The following CHSY1 variants were observed in gnomAD, a reference collection of about 807,000 sequenced individuals.
CHSY1 encodes chondroitin sulfate synthase 1, also known as N-acetylgalactosaminyl-proteoglycan 3-beta-glucuronosyltransferase 1.
CHSY1 carries 13 observed loss-of-function variants against 59.8 expected under a neutral mutation model. The observed-to-expected ratio is 0.22, with a 90% confidence interval of 0.14 to 0.35. The LOEUF (loss-of-function observed/expected upper bound fraction) is 0.35. CHSY1 is among the 10% of genes least tolerant of loss of function. CHSY1 has a pLI of 1.00. For synonymous variants in CHSY1, 459 were observed against 401.2 expected (o/e 1.14, Z -1.72); for missense variants, 947 against 1,030.6 (o/e 0.92, Z 1.11).
chr15:101,184,643 C>T (rs1285243437), intron 2 of CHSY1, among the ~76,000 whole-genome samples: 1 of 152,016 alleles, frequency 6.6e-6, no homozygotes, highest in African/African-American at 2.4e-5. Flanking sequence ...AGCCACCCAG[C>T]CCGGCCATTT....
intron 2 of CHSY1, 130 bp from the exon 3 acceptor site, chr15:101,179,110 C>A: frequency 2.3e-6 from 2 of 855,126 alleles, no homozygotes; most frequent in South Asian, 1.4e-5. Context: ...CTAGATAAGG[C>A]CCGATCAACA....
At chr15:101,229,366 G>A (rs2038871045) in intron 2 of CHSY1, among the ~76,000 whole-genome samples, 1 of 152,102 alleles carries the variant, frequency 6.6e-6, no homozygotes, top group Non-Finnish European at 1.5e-5. Flanking sequence ...GTAAAAGGAT[G>A]AAAAAAGATA....
intron 2 of CHSY1, among the ~76,000 whole-genome samples, chr15:101,204,224 A>T (rs1204384643): frequency 6.6e-6 from 1 of 152,152 alleles, no homozygotes; most frequent in Non-Finnish European, 1.5e-5. Context: ...AGCTGAGGTC[A>T]GGAGTTCGAG....
At chr15:101,206,747 C>T (rs1300479738) in intron 2 of CHSY1, among the ~76,000 whole-genome samples, 1 of 152,200 alleles carries the variant, frequency 6.6e-6, no homozygotes, top group Non-Finnish European at 1.5e-5. Flanking sequence ...TACACAGAAG[C>T]AGCCATAATG....
intron 2 of CHSY1, among the ~76,000 whole-genome samples, chr15:101,226,238 GC>G (rs2038840429): frequency 6.6e-6 from 1 of 152,180 alleles, no homozygotes; most frequent in East Asian, 1.9e-4. Flanking sequence ...GAAGGGCTTT[GC>G]TTTTCAGATA....
chr15:101,235,624 G>A (rs763490177), intron 1 of CHSY1, 47 bp from the exon 2 acceptor site: 1 of 1,585,680 alleles, frequency 6.3e-7, no homozygotes, highest in Non-Finnish European at 8.6e-7. Context: ...ATTCCAAGCT[G>A]ATTTTCAGGA....
intron 1 of CHSY1, among the ~76,000 whole-genome samples, chr15:101,239,399 G>A (rs1842354255): frequency 6.6e-6 from 1 of 152,232 alleles, no homozygotes; most frequent in African/African-American, 2.4e-5. Flanking sequence ...CAACTAAGGA[G>A]GCGAATCTAC....
intron 1 of CHSY1, among the ~76,000 whole-genome samples, chr15:101,245,271 GCTCCTTCACTAA>G (rs1390807169): frequency 2.0e-5 from 3 of 152,090 alleles, no homozygotes; most frequent in Non-Finnish European, 2.9e-5. Flanking sequence ...CTTTCCCATC[GCTCCTTCACTAA>G]CTCCTGCCAT....
chr15:101,244,120 G>C (rs1260501633), intron 1 of CHSY1, among the ~76,000 whole-genome samples: 1 of 152,190 alleles, frequency 6.6e-6, no homozygotes, highest in Non-Finnish European at 1.5e-5. Flanking sequence ...ACTGAATTCA[G>C]GTGAGAAGAT....
chr15:101,196,984 T>C lies in CHSY1; in HGVS notation c.817-18004A>G, dbSNP rs80147225. Among the ~76,000 whole-genome samples, 1,383 of 152,372 alleles carry C rather than the reference T, an allele frequency of 9.1e-3. 24 individuals are homozygous for C. Among genetic ancestry groups the C allele is most frequent in the African/African-American group, 0.032 (1,323 of 41,586 alleles). On this transcript the variant is annotated intron_variant, in intron 2 of 2. Coordinates refer to ENST00000254190, the MANE Select transcript of CHSY1 (RefSeq NM_014918.5). ...AAAAGGGGCAAAGCATGTTTAGTCT[T>C]AATTCTTTTATTCTTTGTTTACCTA...
At chr15:101,238,180 C>T (rs577736865) in intron 1 of CHSY1, among the ~76,000 whole-genome samples, 1 of 152,246 alleles carries the variant, frequency 6.6e-6, no homozygotes, top group African/African-American at 2.4e-5. Flanking sequence ...TAACATAAAA[C>T]TTACCATCTT....
chr15:101,239,694 G>C lies in CHSY1; in HGVS notation c.321-4117C>G, dbSNP rs867356611. On this transcript the variant is annotated intron_variant, in intron 1 of 2. Coordinates refer to ENST00000254190, the MANE Select transcript of CHSY1 (RefSeq NM_014918.5). ...AGTCTCAGGAGCACACGGAGCAAAGGTAATGTGGAAAATGCTTCTTAAAAC... is the reference window on the plus strand; with the variant it reads ...AGTCTCAGGAGCACACGGAGCAAAGCTAATGTGGAAAATGCTTCTTAAAAC... Among the ~76,000 whole-genome samples, 4 of 145,126 alleles carry C rather than the reference G, an allele frequency of 2.8e-5. No individual in the cohort carries two copies. In the South Asian group the frequency reaches 8.5e-4, roughly 31 times the overall value.
At chr15:101,194,954 A>G (rs1325030389) in intron 2 of CHSY1, among the ~76,000 whole-genome samples, 3 of 152,206 alleles carry the variant, frequency 2.0e-5, no homozygotes, top group South Asian at 2.1e-4. Flanking sequence ...CATATGTCTT[A>G]TAACAGACTG....
rs1284078736 is a variant in CHSY1, at chr15:101,178,067, T to G, written c.1730A>C (p.Asn577Thr). 3 of 1,614,092 alleles carry G rather than the reference T, an allele frequency of 1.9e-6. No individual in the cohort carries two copies. The highest frequency in any genetic ancestry group is 4.5e-5 in the East Asian group (2 of 44,884). Reference protein sequence around the residue: ...LVVLLFNSDSNPDKAKQVELM... With the variant: ...LVVLLFNSDSTPDKAKQVELM... ...TTCAACTTGTTTGGCCTTGTCAGGG[T>G]TGGAGTCAGAATTGAAAAGCAGAAC... The change falls in exon 3 of 3, where the codon AAC becomes ACC. Residue 577 changes from asparagine to threonine, a missense_variant. Asn to Thr is a moderately conservative substitution (Grantham distance 65). Transcript: ENST00000254190.
intron 2 of CHSY1, among the ~76,000 whole-genome samples, chr15:101,198,855 T>TC (rs2038537922): frequency 6.6e-6 from 1 of 152,130 alleles, no homozygotes; most frequent in South Asian, 2.1e-4. Flanking sequence ...GGGAGCGAGA[T>TC]CCCACGGCCT....
At chr15:101,181,578 G>C (rs1298790992) in intron 2 of CHSY1, among the ~76,000 whole-genome samples, 2 of 152,076 alleles carry the variant, frequency 1.3e-5, no homozygotes, top group Non-Finnish European at 2.9e-5. Context: ...ATGTATCTCC[G>C]ACCCTTCTCT....
intron 2 of CHSY1, among the ~76,000 whole-genome samples, chr15:101,225,786 C>T (rs993140715): frequency 5.3e-5 from 8 of 152,224 alleles, no homozygotes; most frequent in African/African-American, 1.9e-4. Context: ...TTCCTTATAG[C>T]CGTGTGAGAA....
chr15:101,222,631 GCTTTTCCTGACCTGACA>G (rs1168644999), intron 2 of CHSY1, among the ~76,000 whole-genome samples: 7 of 152,096 alleles, frequency 4.6e-5, no homozygotes, highest in African/African-American at 1.7e-4. Flanking sequence ...GTCTTTCCTT[GCTTTTCCTGACCTGACA>G]CTTTTGAAGA....
intron 2 of CHSY1, chr15:101,189,450 A>G (rs2038415052): frequency 1.0e-6 from 1 of 985,578 alleles, no homozygotes; most frequent in Non-Finnish European, 1.2e-6. Context: ...GATGTAAGCC[A>G]GAAGGGATGG....
Sources: gnomAD v4.1 joint callset for allele counts (sites outside exome capture counted in the v4.1 genomes callset) on GRCh38, gnomAD v4.1.1 for gene constraint, MANE v1.5 for transcripts, NCBI Gene and HGNC (gene_info 2026-07-23, HGNC 2026-07-21) for gene names.